NCOR1: variants seen among roughly 807,000 people sequenced by gnomAD.
NCOR1 encodes the protein protein phosphatase 1, regulatory subunit 109.
In NCOR1, 63 loss-of-function variants were observed where a neutral mutation model predicts 288.1. The ratio of observed to expected loss-of-function variants is 0.22; its 90% CI spans 0.18 to 0.27. The LOEUF (loss-of-function observed/expected upper bound fraction) is 0.27, where lower values mean the gene tolerates loss of function less well. Ranked by LOEUF, NCOR1 falls within the 10% of genes least tolerant of loss-of-function variation. The pLI, the probability that NCOR1 is intolerant of heterozygous loss-of-function variation, is 1.00. For missense variants in NCOR1, 2,397 were observed against 3,019.2 expected (o/e 0.79, Z 4.83); for synonymous variants, 1,007 against 1,065.9 (o/e 0.94, Z 1.08).
chr17:16,193,404 C>T (rs1189511336), intron 2 of NCOR1, among the ~76,000 whole-genome samples: 1 of 151,708 alleles, frequency 6.6e-6, no homozygotes, highest in African/African-American at 2.4e-5. Flanking sequence ...CTACTTTTTT[C>T]GTATTTTTAG....
At position 16,032,439 on chromosome 17, in the gene NCOR1, T is replaced by C; in HGVS notation, c.7180A>G (p.Ser2394Gly). The C allele has an allele frequency of 6.2e-7, 1 of 1,613,024 alleles. No homozygotes were observed. The highest frequency in any genetic ancestry group is 8.5e-7 in the Non-Finnish European group (1 of 1,179,710). Residue 2394 changes from serine to glycine, a missense_variant, in exon 46 of 46, where the codon AGC becomes GGC. Coordinates refer to ENST00000268712, the MANE Select transcript of NCOR1 (RefSeq NM_006311.4). Reference sequence around the variant, plus strand: ...GCAATCGGTGTTGGTGGAGTACTGCTGAGCATCCGCATAGTCAGAGGGTTA... The same window carrying C: ...GCAATCGGTGTTGGTGGAGTACTGCCGAGCATCCGCATAGTCAGAGGGTTA... The part of the protein sequence containing the change: ...PYNPLTMRML[S>G]STPPTPIACA...
chr17:16,102,805 G>A (rs567926720), intron 19 of NCOR1, among the ~76,000 whole-genome samples: 3 of 152,228 alleles, frequency 2.0e-5, no homozygotes, highest in African/African-American at 7.2e-5. Flanking sequence ...TGTTGCCCAG[G>A]CTGGTCTTGA....
At chr17:16,089,933 G>A (rs570493016) in intron 22 of NCOR1, among the ~76,000 whole-genome samples, 81 of 152,208 alleles carry the variant, frequency 5.3e-4, no homozygotes, top group African/African-American at 1.9e-3. Context: ...ACTTTGTAGA[G>A]CATCACCTTC....
intron 2 of NCOR1, among the ~76,000 whole-genome samples, chr17:16,188,003 A>G (rs2087086153): frequency 6.6e-6 from 1 of 152,080 alleles, no homozygotes; most frequent in Admixed American, 6.6e-5. Context: ...GAGAATTGAA[A>G]CTGCTATTAG....
At chr17:16,137,224 C>T (rs2076565475) in intron 14 of NCOR1, 87 bp downstream of exon 14, 4 of 726,394 alleles carry the variant, frequency 5.5e-6, no homozygotes, top group African/African-American at 1.8e-5. Flanking sequence ...AAACTACACA[C>T]TAAGGGCAGG....
chr17:16,175,013 AATAG>A (rs1350298006), intron 3 of NCOR1, among the ~76,000 whole-genome samples: 2 of 151,694 alleles, frequency 1.3e-5, no homozygotes, highest in Non-Finnish European at 2.9e-5. Flanking sequence ...AGCTGATAAA[AATAG>A]ATAAATAAAC....
intron 8 of NCOR1, chr17:16,151,699 A>C: frequency 8.1e-7 from 1 of 1,240,446 alleles, no homozygotes; most frequent in Non-Finnish European, 1.1e-6. Context: ...CTTTTTTACT[A>C]GCAGATTATA....
rs562991666 is a variant in NCOR1, at chr17:16,060,454, CTT to C, written c.5881+945_5881+946del. Among the ~76,000 whole-genome samples, 6 of 152,308 alleles carry C rather than the reference CTT, an allele frequency of 3.9e-5. No homozygotes were observed. The South Asian group carries it at 1.2e-3, about 32-fold the overall frequency. The stretch of plus-strand genomic sequence containing the variant: ...CTATTCATACAACTATAGAATATCT[CTT>C]TCTCAGCTAGCAATTTTCTGCATGC... On this transcript the variant is annotated intron_variant, in intron 37 of 45. Coordinates refer to ENST00000268712, the MANE Select transcript of NCOR1 (RefSeq NM_006311.4).
At chr17:16,127,189 G>A (rs2074268768) in intron 14 of NCOR1, among the ~76,000 whole-genome samples, 1 of 146,596 alleles carries the variant, frequency 6.8e-6, no homozygotes, top group African/African-American at 2.6e-5. Flanking sequence ...ATATCTGTAT[G>A]TATATATACA....
chr17:16,043,345 G>A (rs552502226), intron 42 of NCOR1, among the ~76,000 whole-genome samples: 96 of 152,258 alleles, frequency 6.3e-4, no homozygotes, highest in African/African-American at 2.1e-3. Context: ...GGTGGGCCCA[G>A]GAGCCCACTG....
intron 26 of NCOR1, among the ~76,000 whole-genome samples, chr17:16,077,029 C>A (rs1283006904): frequency 6.6e-6 from 1 of 152,160 alleles, no homozygotes; most frequent in Non-Finnish European, 1.5e-5. Context: ...CCACATTCAC[C>A]TGACCTCTCT....
intron 42 of NCOR1, among the ~76,000 whole-genome samples, chr17:16,041,800 G>A (rs377298625): frequency 2.0e-4 from 31 of 151,826 alleles, no homozygotes; most frequent in East Asian, 5.8e-4. Flanking sequence ...GCAGCGGTGC[G>A]ATCTTGGCTC....
intron 21 of NCOR1, among the ~76,000 whole-genome samples, chr17:16,094,045 A>G (rs1359086533): frequency 7.2e-5 from 11 of 151,914 alleles, no homozygotes; most frequent in Admixed American, 1.3e-4. Context: ...CCACAGGCGC[A>G]TGGCACCATG....
chr17:16,034,881 G>C lies in NCOR1; in HGVS notation c.7019C>G (p.Pro2340Arg), dbSNP rs945542693. 6.2e-7 allele frequency: 1 copy of C among 1,614,064 alleles called. No homozygotes were observed. The highest frequency in any genetic ancestry group is 1.7e-5 in the Admixed American group (1 of 60,010). The change falls in exon 45 of 46, where the codon CCT (proline) becomes CGT (arginine). Residue 2340 changes from proline to arginine, a missense_variant. Transcript: ENST00000268712. The stretch of plus-strand genomic sequence containing the variant: ...TTCCGTTCCTAAGTAGCCTTGCCCA[G>C]GTATAGGAGACTTAGATTTCCTGCT... The part of the protein sequence containing the change: ...SNSRKSKSPI[P>R]GQGYLGTERP...
chr17:16,200,416 G>A (rs1396903079), intron 1 of NCOR1, among the ~76,000 whole-genome samples: 2 of 132,628 alleles, frequency 1.5e-5, no homozygotes, highest in East Asian at 2.6e-4. Context: ...GGAATCGCTT[G>A]AATCTGGGAA....
intron 29 of NCOR1, 140 bp from the exon 30 acceptor site, chr17:16,071,805 C>T: frequency 1.3e-6 from 1 of 761,612 alleles, no homozygotes; most frequent in South Asian, 2.1e-5. Flanking sequence ...GCCTTGACAT[C>T]TTGTAGTTTC....
intron 1 of NCOR1, among the ~76,000 whole-genome samples, chr17:16,203,971 G>A (rs1322652502): frequency 6.6e-6 from 1 of 151,940 alleles, no homozygotes; most frequent in Admixed American, 6.6e-5. Context: ...TGATTCTAAA[G>A]TTCATCTAGA....
chr17:16,100,082 A>T (rs868778508), intron 20 of NCOR1, among the ~76,000 whole-genome samples: 4 of 152,106 alleles, frequency 2.6e-5, no homozygotes, highest in South Asian at 2.1e-4. Flanking sequence ...TATTAAAAAG[A>T]AAAAAAAGGA....
At chr17:16,169,172 C>T (rs1376535110) in intron 4 of NCOR1, among the ~76,000 whole-genome samples, 1 of 151,958 alleles carries the variant, frequency 6.6e-6, no homozygotes, top group African/African-American at 2.4e-5. Context: ...GTAAGTTAAA[C>T]AGAATGTACA....
Sources: allele counts gnomAD v4.1 joint callset (sites outside exome capture counted in the v4.1 genomes callset), GRCh38; gene constraint gnomAD v4.1.1; transcripts MANE v1.5; gene names NCBI Gene and HGNC (gene_info 2026-07-23, HGNC 2026-07-21).